PDE6D: variants seen among roughly 807,000 people sequenced by gnomAD.
PDE6D encodes phosphodiesterase 6D, also known as retinal rod rhodopsin-sensitive cGMP 3',5'-cyclic phosphodiesterase subunit delta.
Under a neutral mutation model 21.9 loss-of-function variants are expected in PDE6D, and 10 were observed. That is an observed-to-expected ratio of 0.46 (90% CI 0.28 to 0.78). The LOEUF (loss-of-function observed/expected upper bound fraction) is 0.78, where lower values mean the gene tolerates loss of function less well. Ranked by LOEUF, PDE6D falls within the 30% of genes least tolerant of loss-of-function variation. The probability of loss-of-function intolerance (pLI) is 0.12; values close to 1 mark genes in which losing one functional copy is unlikely to be tolerated. For missense variants in PDE6D, 139 were observed against 184.8 expected (o/e 0.75, Z 1.44); for synonymous variants, 59 against 63.5 (o/e 0.93, Z 0.34).
intron 1 of PDE6D, among the ~76,000 whole-genome samples, chr2:231,740,837 T>C (rs998381158): frequency 6.7e-6 from 1 of 150,286 alleles, no homozygotes; most frequent in Non-Finnish European, 1.5e-5. Flanking sequence ...TTCAAGAAAA[T>C]TTCGTAGATG....
chr2:231,761,009 C>T (rs906419580), intron 1 of PDE6D, among the ~76,000 whole-genome samples: 12 of 152,002 alleles, frequency 7.9e-5, no homozygotes, highest in Non-Finnish European at 1.6e-4. Context: ...CAAGTACTAG[C>T]GTGTTGCCTG....
At chr2:231,753,048 G>GT (rs2048854436) in intron 1 of PDE6D, among the ~76,000 whole-genome samples, 1 of 148,758 alleles carries the variant, frequency 6.7e-6, no homozygotes, top group African/African-American at 2.4e-5. Context: ...AGCCAGGATG[G>GT]TCTCAATCTT....
rs190864749 is a variant in PDE6D at position 231,765,407 on chromosome 2, C to T, written c.50+15658G>A. Among the ~76,000 whole-genome samples the T allele has an allele frequency of 6.0e-3, 921 of 152,276 alleles. 12 individuals are homozygous for T. Among genetic ancestry groups the T allele is most frequent in the African/African-American group, 0.021 (858 of 41,552 alleles). ...CCCTAAGGACAACACCTAAGTCAGT[C>T]AGCTGAATTGCAAGTAACAATATAT... On this transcript the variant is annotated intron_variant, in intron 1 of 4. Transcript: ENST00000287600.
chr2:231,761,497 C>CTGTGG (rs754136784), intron 1 of PDE6D, among the ~76,000 whole-genome samples: 2 of 152,148 alleles, frequency 1.3e-5, no homozygotes, highest in Non-Finnish European at 2.9e-5. Flanking sequence ...AATTCTTAAC[C>CTGTGG]TGTGGTTCAT....
At chr2:231,745,853 G>A (rs143666551) in intron 1 of PDE6D, among the ~76,000 whole-genome samples, 1 of 152,250 alleles carries the variant, frequency 6.6e-6, no homozygotes, top group African/African-American at 2.4e-5. Context: ...CTGGAGCTGG[G>A]GGCAGACTTG....
chr2:231,771,310 A>ACAG (rs2049014116), intron 1 of PDE6D, among the ~76,000 whole-genome samples: 1 of 152,164 alleles, frequency 6.6e-6, no homozygotes, highest in Admixed American at 6.5e-5. Context: ...TAATACAACA[A>ACAG]CAAAAGAATA....
At chr2:231,747,280 G>A (rs1432021960) in intron 1 of PDE6D, among the ~76,000 whole-genome samples, 7 of 152,040 alleles carry the variant, frequency 4.6e-5, no homozygotes, top group Admixed American at 2.6e-4. Context: ...TAGTAGAGAC[G>A]GGGTTTCACC....
At chr2:231,759,417 T>C (rs2048908677) in intron 1 of PDE6D, among the ~76,000 whole-genome samples, 1 of 152,108 alleles carries the variant, frequency 6.6e-6, no homozygotes, top group Non-Finnish European at 1.5e-5. Flanking sequence ...AACACATTTT[T>C]CAGGGGGAAA....
intron 1 of PDE6D, among the ~76,000 whole-genome samples, chr2:231,740,360 C>A (rs1427075695): frequency 6.6e-6 from 1 of 152,084 alleles, no homozygotes; most frequent in South Asian, 2.1e-4. Context: ...TTGAAGAAAG[C>A]TTTCAGAACG....
intron 1 of PDE6D, among the ~76,000 whole-genome samples, chr2:231,744,468 CTT>C (rs2048776127): frequency 1.4e-5 from 2 of 144,482 alleles, no homozygotes; most frequent in African/African-American, 5.1e-5. Context: ...GAGTTTCGCT[CTT>C]GTTGCCCCGA....
At chr2:231,735,240 T>TA (rs1491395336) in intron 4 of PDE6D, among the ~76,000 whole-genome samples, 3 of 84,472 alleles carry the variant, frequency 3.6e-5, no homozygotes, top group African/African-American at 4.4e-5. Flanking sequence ...AGACTCCATA[T>TA]CAAAAAAAAA....
At chr2:231,768,102 C>T (rs993748238) in intron 1 of PDE6D, among the ~76,000 whole-genome samples, 14 of 152,066 alleles carry the variant, frequency 9.2e-5, no homozygotes, top group African/African-American at 3.4e-4. Flanking sequence ...ACCTTAGCCT[C>T]CCAAAGTGTT....
At chr2:231,744,121 A>C (rs1321920538) in intron 1 of PDE6D, among the ~76,000 whole-genome samples, 2 of 152,216 alleles carry the variant, frequency 1.3e-5, no homozygotes, top group Non-Finnish European at 2.9e-5. Flanking sequence ...CATTCTAGCA[A>C]AACTAGAAAA....
At chr2:231,761,248 C>T (rs1253011848) in intron 1 of PDE6D, among the ~76,000 whole-genome samples, 1 of 152,034 alleles carries the variant, frequency 6.6e-6, no homozygotes, top group African/African-American at 2.4e-5. Flanking sequence ...AATCTCGGCT[C>T]ACTGCAAGCT....
In PDE6D at chr2:231,732,445, G is replaced by A. The variant is rs1480784723; in HGVS notation, c.*507C>T. 1 of 152,146 alleles carries A rather than the reference G, an allele frequency of 6.6e-6. No homozygotes were observed. The highest frequency in any genetic ancestry group is 1.5e-5 in the Non-Finnish European group (1 of 68,102). The allele number at this position is 152,146 out of a possible 1,614,324, so 9.4% of individuals were successfully genotyped here. ...AGCAGTGCCATGCTAAAGACTGTAGGAATATTTTAATTCATATTTTTAATT... is the reference window on the plus strand; with the variant it reads ...AGCAGTGCCATGCTAAAGACTGTAGAAATATTTTAATTCATATTTTTAATT... On this transcript the variant is annotated 3_prime_UTR_variant, in exon 5 of 5. Coordinates refer to ENST00000287600, the MANE Select transcript of PDE6D (RefSeq NM_002601.4).
At chr2:231,744,071 A>G (rs928369306) in intron 1 of PDE6D, among the ~76,000 whole-genome samples, 1 of 152,256 alleles carries the variant, frequency 6.6e-6, no homozygotes, top group African/African-American at 2.4e-5. Flanking sequence ...AAACAAAACT[A>G]AAATGACTTC....
At chr2:231,744,730 G>A (rs546960516) in intron 1 of PDE6D, among the ~76,000 whole-genome samples, 5 of 152,062 alleles carry the variant, frequency 3.3e-5, no homozygotes, top group Admixed American at 2.0e-4. Context: ...CACCGTGCCC[G>A]GCCCTAATTG....
intron 1 of PDE6D, among the ~76,000 whole-genome samples, chr2:231,761,505 C>G (rs909781349): frequency 6.6e-6 from 1 of 152,192 alleles, no homozygotes; most frequent in Non-Finnish European, 1.5e-5. Context: ...ACCTGTGGTT[C>G]ATTATCAATG....
chr2:231,762,957 G>C (rs764205208), intron 1 of PDE6D, among the ~76,000 whole-genome samples: 2 of 151,774 alleles, frequency 1.3e-5, no homozygotes, highest in Admixed American at 6.6e-5. Flanking sequence ...GAAAAGAAAA[G>C]AAAATTGCAG....
Sources: allele counts gnomAD v4.1 joint callset (sites outside exome capture counted in the v4.1 genomes callset), GRCh38; gene constraint gnomAD v4.1.1; transcripts MANE v1.5; gene names NCBI Gene and HGNC (gene_info 2026-07-23, HGNC 2026-07-21).